The following NKAIN3 variants were observed in gnomAD, a reference collection of about 807,000 sequenced individuals.
The protein encoded by NKAIN3 is sodium/potassium transporting ATPase interacting 3.
In NKAIN3, 25 loss-of-function variants were observed where a neutral mutation model predicts 30.2. The observed-to-expected ratio is 0.83, with a 90% confidence interval of 0.60 to 1.16. The LOEUF is 1.16. NKAIN3 is among the 50% of genes most tolerant of loss of function. The pLI is 0.00. For missense variants in NKAIN3, 225 were observed against 254.1 expected, an observed-to-expected ratio of 0.89 and a Z score of 0.78; for synonymous variants, 91 against 89.6, an observed-to-expected ratio of 1.02 and a Z score of -0.09.
At chr8:62,511,389 G>A (rs575357259) in intron 1 of NKAIN3, among the ~76,000 whole-genome samples, 8 of 152,194 alleles carry the variant, frequency 5.3e-5, no homozygotes, top group Middle Eastern at 3.4e-3. Flanking sequence ...CAGCCTGCCC[G>A]CTGCAGGCCA....
At chr8:62,763,170 G>A (rs1019587988) in intron 4 of NKAIN3, among the ~76,000 whole-genome samples, 4 of 129,232 alleles carry the variant, frequency 3.1e-5, no homozygotes, top group East Asian at 2.5e-4. Flanking sequence ...GCAGTGAACC[G>A]AGATCGAGGC....
chr8:62,856,812 C>A, intron 4 of NKAIN3: 1 of 620,974 alleles, frequency 1.6e-6, no homozygotes, highest in South Asian at 1.7e-5. Context: ...CTTTGTCTTT[C>A]TCTGCACTAT....
intron 1 of NKAIN3, among the ~76,000 whole-genome samples, chr8:62,415,402 T>C (rs1212208387): frequency 6.7e-6 from 1 of 149,720 alleles, no homozygotes; most frequent in East Asian, 1.9e-4. Context: ...GCTAAATAAA[T>C]AGTAATTCTT....
chr8:62,283,423 C>G (rs1235563807), intron 1 of NKAIN3, among the ~76,000 whole-genome samples: 1 of 152,090 alleles, frequency 6.6e-6, no homozygotes, highest in African/African-American at 2.4e-5. Flanking sequence ...GCAAATTACA[C>G]AAATAGAAAA....
intron 3 of NKAIN3, among the ~76,000 whole-genome samples, chr8:62,728,236 G>C (rs1225188470): frequency 4.6e-5 from 7 of 152,088 alleles, no homozygotes; most frequent in Admixed American, 3.3e-4. Context: ...AGATGATCTT[G>C]AGTTTGGCAA....
chr8:62,823,508 G>A (rs1818917803), intron 4 of NKAIN3, among the ~76,000 whole-genome samples: 1 of 152,110 alleles, frequency 6.6e-6, no homozygotes, highest in Non-Finnish European at 1.5e-5. Flanking sequence ...TGAATTTTTT[G>A]TGTAATTAGT....
chr8:62,587,565 T>C (rs1229092461), intron 2 of NKAIN3, among the ~76,000 whole-genome samples: 1 of 151,994 alleles, frequency 6.6e-6, no homozygotes, highest in Admixed American at 6.6e-5. Flanking sequence ...TACTAAAATC[T>C]TTTAAAACAA....
chr8:62,362,373 A>T (rs915081317), intron 1 of NKAIN3, among the ~76,000 whole-genome samples: 2 of 152,182 alleles, frequency 1.3e-5, no homozygotes, highest in African/African-American at 4.8e-5. Flanking sequence ...CCAACCTTCT[A>T]TGCCAATCCC....
At chr8:62,794,135 T>G (rs1037672565) in intron 4 of NKAIN3, among the ~76,000 whole-genome samples, 1 of 152,236 alleles carries the variant, frequency 6.6e-6, no homozygotes, top group Non-Finnish European at 1.5e-5. Flanking sequence ...TTCTTATCAC[T>G]GCTTTTGCCT....
chr8:62,951,696 C>A (rs1450746985), intron 5 of NKAIN3, among the ~76,000 whole-genome samples: 1 of 152,274 alleles, frequency 6.6e-6, no homozygotes, highest in Admixed American at 6.5e-5. Flanking sequence ...CTCCTGAGCC[C>A]AAGCAATTCA....
At chr8:62,458,552 C>T (rs1170820827) in intron 1 of NKAIN3, among the ~76,000 whole-genome samples, 1 of 152,122 alleles carries the variant, frequency 6.6e-6, no homozygotes, top group Non-Finnish European at 1.5e-5. Flanking sequence ...AATGCATGTC[C>T]TACAAGTCAT....
At chr8:62,395,136 G>A (rs891023908) in intron 1 of NKAIN3, among the ~76,000 whole-genome samples, 1 of 151,656 alleles carries the variant, frequency 6.6e-6, no homozygotes, top group Admixed American at 6.6e-5. Flanking sequence ...TCACTTCCCA[G>A]ACGGGGCGGC....
intron 4 of NKAIN3, among the ~76,000 whole-genome samples, chr8:62,889,930 G>T (rs1412607131): frequency 6.6e-6 from 1 of 151,760 alleles, no homozygotes; most frequent in African/African-American, 2.4e-5. Flanking sequence ...CAGTGGAATG[G>T]TATAAAAAAA....
chr8:62,830,627 C>T (rs549632853), intron 4 of NKAIN3, among the ~76,000 whole-genome samples: 3 of 152,290 alleles, frequency 2.0e-5, no homozygotes, highest in African/African-American at 7.2e-5. Flanking sequence ...TTCCACTGAG[C>T]AGCAGGGCCC....
chr8:62,657,795 C>G (rs1812806280), intron 3 of NKAIN3, among the ~76,000 whole-genome samples: 1 of 152,166 alleles, frequency 6.6e-6, no homozygotes, highest in Admixed American at 6.5e-5. Flanking sequence ...GAAGTCTATT[C>G]TGGTTTTTGC....
rs187647202 is a variant in NKAIN3 at position 62,948,281 on chromosome 8, C to A, written c.533-5621C>A. Among the ~76,000 whole-genome samples the A allele has an allele frequency of 1.5e-3, 234 of 152,030 alleles. 6 individuals are homozygous for A. Among genetic ancestry groups the A allele is most frequent in the Non-Finnish European group, 4.4e-5 (3 of 67,982 alleles). The stretch of plus-strand genomic sequence containing the variant: ...GTGGGGTGATCTCGGATCACTGCAA[C>A]CTCCTCCTCGAGGGTTCAAGCAATT... On this transcript the variant is annotated intron_variant, in intron 5 of 6. Coordinates refer to ENST00000623646, the MANE Select transcript of NKAIN3 (RefSeq NM_001304533.3).
intron 1 of NKAIN3, among the ~76,000 whole-genome samples, chr8:62,578,023 C>A (rs1015653827): frequency 6.6e-6 from 1 of 152,012 alleles, no homozygotes; most frequent in Non-Finnish European, 1.5e-5. Context: ...TAGAAAAATA[C>A]CCAGGGAGCC....
chr8:62,249,432 A>AT (rs373041886), intron 1 of NKAIN3, among the ~76,000 whole-genome samples: 2 of 152,230 alleles, frequency 1.3e-5, no homozygotes, highest in South Asian at 2.1e-4. Flanking sequence ...GGAGTGAGGG[A>AT]TTTTCCCGCC....
intron 1 of NKAIN3, among the ~76,000 whole-genome samples, chr8:62,332,295 A>G (rs535802332): frequency 3.2e-4 from 49 of 152,274 alleles, no homozygotes; most frequent in African/African-American, 1.0e-3. Context: ...CATTCTAGAT[A>G]TCCATTGCTA....
Sources: allele counts gnomAD v4.1 joint callset (sites outside exome capture counted in the v4.1 genomes callset), GRCh38; gene constraint gnomAD v4.1.1; transcripts MANE v1.5; gene names NCBI Gene and HGNC (gene_info 2026-07-23, HGNC 2026-07-21).